Variants in LRRTM4 observed in about 807,000 individuals in gnomAD.
The protein encoded by LRRTM4 is leucine rich repeat transmembrane neuronal 4, also known as leucine-rich repeat transmembrane neuronal protein 4.
LRRTM4 carries 25 observed loss-of-function variants against 47.6 expected under a neutral mutation model. The observed-to-expected ratio is 0.53, with a 90% confidence interval of 0.38 to 0.73. The LOEUF (loss-of-function observed/expected upper bound fraction) is 0.73. Among genes scored for constraint, LRRTM4 ranks in the 30% least tolerant of loss-of-function variants. The probability of loss-of-function intolerance (pLI) is 0.00; values close to 1 mark genes in which losing one functional copy is unlikely to be tolerated. For synonymous variants in LRRTM4, 311 were observed against 269.5 expected (o/e 1.15, Z -1.51); for missense variants, 638 against 713.4 (o/e 0.89, Z 1.20).
intron 3 of LRRTM4, among the ~76,000 whole-genome samples, chr2:77,175,404 A>T (rs891013973): frequency 3.3e-5 from 5 of 152,114 alleles, no homozygotes; most frequent in African/African-American, 1.2e-4. Context: ...ATCTAAGCCC[A>T]GGGCATAAAA....
At chr2:77,439,148 C>G (rs187508663) in intron 3 of LRRTM4, among the ~76,000 whole-genome samples, 1 of 152,298 alleles carries the variant, frequency 6.6e-6, no homozygotes, top group East Asian at 1.9e-4. Flanking sequence ...AGACATTACC[C>G]TTTCAAGCCT....
At chr2:77,160,939 C>T (rs1672709508) in intron 3 of LRRTM4, among the ~76,000 whole-genome samples, 1 of 152,118 alleles carries the variant, frequency 6.6e-6, no homozygotes, top group African/African-American at 2.4e-5. Context: ...AACTGATTAT[C>T]TTCCTGTCCT....
chr2:77,489,519 A>G (rs1678056006), intron 3 of LRRTM4, among the ~76,000 whole-genome samples: 1 of 152,240 alleles, frequency 6.6e-6, no homozygotes, highest in South Asian at 2.1e-4. Context: ...CGTTTCCTTT[A>G]GGAAACATAT....
intron 3 of LRRTM4, among the ~76,000 whole-genome samples, chr2:77,308,907 T>A (rs1677367502): frequency 6.6e-6 from 1 of 152,008 alleles, no homozygotes. Context: ...ACACAAACCA[T>A]GACTCAAGAA....
In LRRTM4 at chr2:76,960,270, A is replaced by G. The variant is rs1573371150; in HGVS notation, c.1552-211354T>C. On this transcript the variant is annotated intron_variant, in intron 3 of 3. Coordinates refer to ENST00000409884, the MANE Select transcript of LRRTM4 (RefSeq NM_001134745.3). Reference sequence around the variant, plus strand: ...ATCAGCTAGTTATAACAATGCTACGAGAGAGATAACAGTATATGTATTTGC... The same window carrying G: ...ATCAGCTAGTTATAACAATGCTACGGGAGAGATAACAGTATATGTATTTGC... Among the ~76,000 whole-genome samples, 3 of 151,788 alleles carry G rather than the reference A, an allele frequency of 2.0e-5. No homozygotes were observed. The South Asian group carries it at 6.2e-4, about 31-fold the overall frequency.
intron 3 of LRRTM4, among the ~76,000 whole-genome samples, chr2:76,879,440 A>G (rs1463657083): frequency 6.6e-6 from 1 of 152,230 alleles, no homozygotes; most frequent in African/African-American, 2.4e-5. Flanking sequence ...CAAGGCCTAG[A>G]AGACAGAACA....
chr2:76,786,137 T>A (rs767251705), intron 3 of LRRTM4, among the ~76,000 whole-genome samples: 2 of 152,150 alleles, frequency 1.3e-5, no homozygotes, highest in Admixed American at 1.3e-4. Flanking sequence ...TTTGCCATAA[T>A]TGATAGGAAA....
chr2:77,256,357 T>G (rs990235581), intron 3 of LRRTM4, among the ~76,000 whole-genome samples: 4 of 152,122 alleles, frequency 2.6e-5, no homozygotes, highest in African/African-American at 9.7e-5. Flanking sequence ...AATTAATGAT[T>G]TTAAACAAGC....
chr2:77,065,911 C>T (rs1465800840), intron 3 of LRRTM4, among the ~76,000 whole-genome samples: 1 of 152,070 alleles, frequency 6.6e-6, no homozygotes, highest in African/African-American at 2.4e-5. Flanking sequence ...CATACATGTG[C>T]AATACTTGCT....
At chr2:76,779,986 G>C (rs907403415) in intron 3 of LRRTM4, among the ~76,000 whole-genome samples, 22 of 152,208 alleles carry the variant, frequency 1.4e-4, no homozygotes, top group Admixed American at 5.9e-4. Flanking sequence ...GCATTTGCTT[G>C]TCTGTAAAGT....
At chr2:77,456,374 C>T (rs1417562617) in intron 3 of LRRTM4, among the ~76,000 whole-genome samples, 1 of 152,108 alleles carries the variant, frequency 6.6e-6, no homozygotes, top group Admixed American at 6.6e-5. Flanking sequence ...AATATTCCTA[C>T]TGACTTCTTT....
intron 3 of LRRTM4, among the ~76,000 whole-genome samples, chr2:77,301,962 A>G (rs546771946): frequency 4.6e-5 from 7 of 152,194 alleles, no homozygotes; most frequent in Admixed American, 3.3e-4. Flanking sequence ...AAAGTCATAG[A>G]AGACTCACCA....
At chr2:76,882,211 G>T (rs1211801156) in intron 3 of LRRTM4, among the ~76,000 whole-genome samples, 2 of 151,970 alleles carry the variant, frequency 1.3e-5, no homozygotes, top group African/African-American at 2.4e-5. Flanking sequence ...TTTTCTGTTT[G>T]GTATTGTGAA....
chr2:77,381,477 T>C (rs898380360), intron 3 of LRRTM4, among the ~76,000 whole-genome samples: 3 of 152,106 alleles, frequency 2.0e-5, no homozygotes, highest in African/African-American at 7.2e-5. Flanking sequence ...ATTTTACAAA[T>C]CAGTAAGAGT....
chr2:76,816,819 GTTTTTTTTTTTTTTTTTTTTTTTTTT>G (rs201525166), intron 3 of LRRTM4, among the ~76,000 whole-genome samples: 122 of 96,580 alleles, frequency 1.3e-3, no homozygotes, highest in East Asian at 4.8e-3. Flanking sequence ...GAGGTAAAGA[GTTTTTTTTTTTTTTTTTTTTTTTTTT>G]TTTTTTTTTT....
intron 3 of LRRTM4, among the ~76,000 whole-genome samples, chr2:77,024,698 A>G (rs927941099): frequency 6.6e-6 from 1 of 152,140 alleles, no homozygotes; most frequent in Non-Finnish European, 1.5e-5. Flanking sequence ...CAGTTTCAGA[A>G]TGGAACAAAA....
intron 3 of LRRTM4, among the ~76,000 whole-genome samples, chr2:77,054,641 C>A (rs1679544407): frequency 1.3e-5 from 2 of 152,180 alleles, no homozygotes; most frequent in Non-Finnish European, 1.5e-5. Flanking sequence ...TAAGTACAGA[C>A]ATTATTATGG....
intron 3 of LRRTM4, among the ~76,000 whole-genome samples, chr2:77,046,598 T>C (rs2103757067): frequency 6.6e-6 from 1 of 152,092 alleles, no homozygotes; most frequent in South Asian, 2.1e-4. Flanking sequence ...GTCTGACACA[T>C]GCACCCTCAA....
chr2:77,333,382 C>A (rs375264708), intron 3 of LRRTM4, among the ~76,000 whole-genome samples: 2 of 152,160 alleles, frequency 1.3e-5, no homozygotes, highest in South Asian at 4.1e-4. Context: ...TTGTTGAATG[C>A]CTTTGACCAA....
Sources: allele counts gnomAD v4.1 joint callset (sites outside exome capture counted in the v4.1 genomes callset), GRCh38; gene constraint gnomAD v4.1.1; transcripts MANE v1.5; gene names NCBI Gene and HGNC (gene_info 2026-07-23, HGNC 2026-07-21).